The following NRXN3 variants were observed in gnomAD, a reference collection of about 807,000 sequenced individuals.
NRXN3 encodes neurexin III.
In NRXN3, 32 loss-of-function variants were observed where a neutral mutation model predicts 137.6. That is an observed-to-expected ratio of 0.23 (90% CI 0.18 to 0.31). The LOEUF (loss-of-function observed/expected upper bound fraction) is 0.31, where lower values mean the gene tolerates loss of function less well. NRXN3 is among the 10% of genes least tolerant of loss of function. NRXN3 has a pLI of 1.00. For missense variants in NRXN3, 1,574 were observed against 2,062.5 expected (o/e 0.76, Z 4.59); for synonymous variants, 798 against 784.5 (o/e 1.02, Z -0.29).
chr14:78,296,364 C>T (rs1017114365), intron 3 of NRXN3, among the ~76,000 whole-genome samples: 3 of 152,168 alleles, frequency 2.0e-5, no homozygotes, highest in Non-Finnish European at 4.4e-5. Flanking sequence ...CTCTTGTGAG[C>T]GTCACCTACT....
intron 10 of NRXN3, among the ~76,000 whole-genome samples, chr14:78,851,813 C>A (rs1038790801): frequency 6.6e-6 from 1 of 152,126 alleles, no homozygotes; most frequent in Non-Finnish European, 1.5e-5. Flanking sequence ...AGAGGCAGAA[C>A]TGTATTTTAA....
At chr14:79,101,248 C>G (rs367694982) in intron 15 of NRXN3, among the ~76,000 whole-genome samples, 16 of 152,236 alleles carry the variant, frequency 1.1e-4, no homozygotes, top group Admixed American at 2.0e-4. Context: ...TAGTTAGTGT[C>G]CCACTATTGT....
chr14:79,244,936 G>A (rs546556783), intron 15 of NRXN3, among the ~76,000 whole-genome samples: 1 of 152,116 alleles, frequency 6.6e-6, no homozygotes, highest in Non-Finnish European at 1.5e-5. Context: ...TAAAGGATTA[G>A]AGGTTTCAAC....
At chr14:79,440,745 A>T (rs1467220956) in intron 15 of NRXN3, among the ~76,000 whole-genome samples, 1 of 152,218 alleles carries the variant, frequency 6.6e-6, no homozygotes, top group Admixed American at 6.5e-5. Context: ...TTTCAAAAAA[A>T]AATTTTTTTT....
At chr14:78,818,057 G>C (rs215944) in intron 10 of NRXN3, among the ~76,000 whole-genome samples, 143,497 of 151,974 alleles carry the variant, frequency 0.94, 68,022 homozygotes, top group Non-Finnish European at 0.99. Flanking sequence ...TAAATATCAG[G>C]TTAATAGAGG....
intron 4 of NRXN3, among the ~76,000 whole-genome samples, chr14:78,399,972 C>G (rs1406884651): frequency 6.6e-6 from 1 of 152,166 alleles, no homozygotes; most frequent in Non-Finnish European, 1.5e-5. Context: ...CATCATTTAT[C>G]TATACTACAT....
chr14:79,794,596 ACTCAGC>A (rs566605493), intron 19 of NRXN3, among the ~76,000 whole-genome samples: 11 of 152,172 alleles, frequency 7.2e-5, no homozygotes, highest in Non-Finnish European at 1.6e-4. Flanking sequence ...CAGTGTTCCT[ACTCAGC>A]CTGTAGATAT....
intron 4 of NRXN3, among the ~76,000 whole-genome samples, chr14:78,364,854 G>A (rs1036332081): frequency 2.6e-5 from 4 of 152,300 alleles, no homozygotes; most frequent in Admixed American, 2.6e-4. Context: ...CCTGATTTGA[G>A]TTCTTTGTCC....
At chr14:79,541,834 G>GTC (rs1205021574) in intron 16 of NRXN3, among the ~76,000 whole-genome samples, 1 of 152,198 alleles carries the variant, frequency 6.6e-6, no homozygotes, top group African/African-American at 2.4e-5. Flanking sequence ...GAACCATCAT[G>GTC]TCTCAGCTAG....
intron 20 of NRXN3, among the ~76,000 whole-genome samples, chr14:79,824,254 G>A (rs1217029249): frequency 1.3e-5 from 2 of 152,140 alleles, no homozygotes; most frequent in Non-Finnish European, 2.9e-5. Flanking sequence ...TAAATCAGCT[G>A]CAGATTAATT....
chr14:79,754,060 G>A (rs1410901550), intron 19 of NRXN3, among the ~76,000 whole-genome samples: 1 of 152,074 alleles, frequency 6.6e-6, no homozygotes, highest in East Asian at 1.9e-4. Flanking sequence ...AGTGGCTCAT[G>A]CCTGTAATCC....
chr14:79,840,578 G>A (rs545012322), intron 20 of NRXN3, among the ~76,000 whole-genome samples: 1 of 152,178 alleles, frequency 6.6e-6, no homozygotes, highest in Non-Finnish European at 1.5e-5. Context: ...GGGTGGCACT[G>A]TATTTTAACG....
intron 4 of NRXN3, among the ~76,000 whole-genome samples, chr14:78,536,758 G>GC (rs1380895027): frequency 1.0e-5 from 1 of 100,154 alleles, no homozygotes; most frequent in African/African-American, 3.7e-5. Context: ...CCCTCCCCCA[G>GC]CCCCCCACCC....
chr14:78,534,981 A>G (rs571215607), intron 4 of NRXN3, among the ~76,000 whole-genome samples: 54 of 152,348 alleles, frequency 3.5e-4, no homozygotes, highest in African/African-American at 1.3e-3. Context: ...ACAAAGGAAT[A>G]CAAACAAGGA....
intron 8 of NRXN3, among the ~76,000 whole-genome samples, chr14:78,784,525 G>A (rs1241945340): frequency 6.6e-6 from 1 of 152,186 alleles, no homozygotes; most frequent in East Asian, 1.9e-4. Context: ...GCCAAACCTG[G>A]ACATAAGATC....
intron 4 of NRXN3, among the ~76,000 whole-genome samples, chr14:78,644,492 A>G (rs773667404): frequency 9.9e-5 from 15 of 152,164 alleles, no homozygotes; most frequent in Non-Finnish European, 1.9e-4. Flanking sequence ...TTGCTGTCTT[A>G]TCAAAACATA....
At chr14:78,754,812 G>A (rs1006369527) in intron 8 of NRXN3, among the ~76,000 whole-genome samples, 4 of 150,354 alleles carry the variant, frequency 2.7e-5, no homozygotes, top group Non-Finnish European at 4.4e-5. Context: ...CTGTGAACTC[G>A]ATAACCACCA....
chr14:78,633,915 A>G (rs190178650), intron 4 of NRXN3, among the ~76,000 whole-genome samples: 25 of 152,354 alleles, frequency 1.6e-4, no homozygotes, highest in African/African-American at 6.0e-4. Flanking sequence ...CTTGCAGGCT[A>G]GAGCCCACAG....
chr14:79,829,824 A>G (rs75576509), intron 20 of NRXN3, among the ~76,000 whole-genome samples: 1 of 151,060 alleles, frequency 6.6e-6, no homozygotes, highest in Non-Finnish European at 1.5e-5. Context: ...TTTTTTTTTT[A>G]TTAATATGAA....
Sources: allele counts gnomAD v4.1 joint callset (sites outside exome capture counted in the v4.1 genomes callset), GRCh38; gene constraint gnomAD v4.1.1; transcripts MANE v1.5; gene names NCBI Gene and HGNC (gene_info 2026-07-23, HGNC 2026-07-21).